CCDC81: variants seen among roughly 807,000 people sequenced by gnomAD.
The protein encoded by CCDC81 is coiled-coil domain containing 81.
Under a neutral mutation model 83.7 loss-of-function variants are expected in CCDC81, and 79 were observed. That is an observed-to-expected ratio of 0.94 (90% CI 0.79 to 1.14). The LOEUF (loss-of-function observed/expected upper bound fraction) is 1.14. Ranked by LOEUF, CCDC81 falls within the 50% of genes most tolerant of loss-of-function variation. The probability of loss-of-function intolerance (pLI) is 0.00; values close to 1 mark genes in which losing one functional copy is unlikely to be tolerated. For synonymous variants in CCDC81, 252 were observed against 278.1 expected, an observed-to-expected ratio of 0.91 and a Z score of 0.93; for missense variants, 791 against 778.1, an observed-to-expected ratio of 1.02 and a Z score of -0.20.
At chr11:86,386,001 C>A in intron 1 of CCDC81, 50 bp from the exon 2 acceptor site, 1 of 883,128 alleles carries the variant, frequency 1.1e-6, no homozygotes. Context: ...GATACTGTCA[C>A]ATGGGTGCGC....
chr11:86,388,214 T>TTCCC (rs761009156), intron 3 of CCDC81, among the ~76,000 whole-genome samples: 1,619 of 145,190 alleles, frequency 0.011, 12 homozygotes, highest in Middle Eastern at 0.024. Flanking sequence ...CCTTCCCTCC[T>TTCCC]TCCTTCCTTC....
chr11:86,395,195 C>T, intron 4 of CCDC81, 139 bp from the exon 5 acceptor site: 1 of 595,794 alleles, frequency 1.7e-6, no homozygotes. Context: ...GATTTTTAAG[C>T]TCTGGACTTA....
At position 86,397,663 on chromosome 11, in the gene CCDC81, C is replaced by T. The variant is rs1382755440; in HGVS notation, c.678C>T (p.Thr226=). ...KEMENKLPME[T]LVEECGENRE... ...TGGAAAACAAACTGCCTATGGAGAC[C>T]CTTGTAGAAGAATGTGGAGAGAATA... The change falls in exon 6 of 15, where the codon ACC becomes ACT. Residue 226 remains threonine, a synonymous_variant. Transcript: ENST00000445632. 1 of 1,613,536 alleles carries T rather than the reference C, an allele frequency of 6.2e-7. No individual in the cohort carries two copies. The highest frequency in any genetic ancestry group is 8.5e-7 in the Non-Finnish European group (1 of 1,179,786).
chr11:86,388,210 C>CCT (rs1948273588), intron 3 of CCDC81, among the ~76,000 whole-genome samples: 1 of 144,296 alleles, frequency 6.9e-6, no homozygotes. Flanking sequence ...CCCTCCTTCC[C>CCT]TCCTTCCTTC....
At chr11:86,392,335 T>C (rs1948342679) in intron 3 of CCDC81, among the ~76,000 whole-genome samples, 1 of 152,226 alleles carries the variant, frequency 6.6e-6, no homozygotes. Flanking sequence ...CCTTATACTT[T>C]TAGAGAAAAT....
Position 86,419,759 on chromosome 11 carries a change from G to A in CCDC81, c.1692-169G>A. 5.8e-6 allele frequency: 3 copies of A among 514,932 alleles called. No individual in the cohort carries two copies. The East Asian group carries it at 1.0e-4, about 18-fold the overall frequency. The allele number at this position is 514,932 out of a possible 1,614,324, so 31.9% of individuals were successfully genotyped here. On this transcript the variant is annotated intron_variant, in intron 13 of 14. Transcript: ENST00000445632. ...GACCTTTGATCCATAAATTATTTGA[G>A]AGCTAGGAATTTCAGTATGCTTTTA...
intron 1 of CCDC81, among the ~76,000 whole-genome samples, chr11:86,380,667 G>C (rs755711944): frequency 5.9e-5 from 9 of 151,536 alleles, no homozygotes; most frequent in Non-Finnish European, 1.2e-4. Context: ...AAGTTTCCTT[G>C]TCACATCTTC....
intron 4 of CCDC81, among the ~76,000 whole-genome samples, chr11:86,393,089 G>A (rs757258938): frequency 6.6e-6 from 1 of 152,178 alleles, no homozygotes; most frequent in Non-Finnish European, 1.5e-5. Flanking sequence ...TTGAGACAGA[G>A]TCTCACTCCG....
chr11:86,402,171 G>GT (rs1176323744), intron 7 of CCDC81, among the ~76,000 whole-genome samples: 2 of 141,646 alleles, frequency 1.4e-5, no homozygotes, highest in South Asian at 2.3e-4. Flanking sequence ...ACCAAAAAAT[G>GT]TTTTTTTGTG....
rs1329005188 is a variant in CCDC81 at position 86,400,706 on chromosome 11, TA to T, written c.787del (p.Arg263AspfsTer9). ...DISSPKRLRD[R>X]QALFPAKVTN... is the part of the protein sequence containing the mutation. ...TCTCATCACCCAAAAGACTTCGAGA[TA>T]GACAAGCTTTGTTCCCTGCCAAAGT... On this transcript the variant is annotated frameshift_variant, in exon 7 of 15. Transcript: ENST00000445632. LOFTEE classifies it high-confidence loss of function. 6.2e-7 allele frequency: 1 copy of T among 1,612,166 alleles called. No individual in the cohort carries two copies. The highest frequency in any genetic ancestry group is 8.5e-7 in the Non-Finnish European group (1 of 1,178,566).
intron 3 of CCDC81, among the ~76,000 whole-genome samples, chr11:86,388,210 C>CCTTCCT (rs1948273588): frequency 6.9e-6 from 1 of 144,296 alleles, no homozygotes; most frequent in African/African-American, 2.6e-5. Flanking sequence ...CCCTCCTTCC[C>CCTTCCT]TCCTTCCTTC....
chr11:86,408,026 G>T, intron 8 of CCDC81, 101 bp from the exon 9 acceptor site: 1 of 1,151,536 alleles, frequency 8.7e-7, no homozygotes, highest in Non-Finnish European at 1.2e-6. Context: ...ATTAATAATA[G>T]GTTTCTTGAT....
intron 10 of CCDC81, among the ~76,000 whole-genome samples, chr11:86,410,848 G>T (rs1477740652): frequency 6.6e-6 from 1 of 151,992 alleles, no homozygotes; most frequent in African/African-American, 2.4e-5. Context: ...CCTGACTTCC[G>T]ATCATTTGCA....
chr11:86,400,552 A>T, intron 6 of CCDC81, 126 bp from the exon 7 acceptor site: 1 of 975,152 alleles, frequency 1.0e-6, no homozygotes, highest in East Asian at 2.5e-5. Flanking sequence ...CCACAATAGA[A>T]CAAGGGGTGA....
intron 10 of CCDC81, among the ~76,000 whole-genome samples, chr11:86,410,059 A>G (rs1301706023): frequency 6.6e-6 from 1 of 152,210 alleles, no homozygotes; most frequent in Non-Finnish European, 1.5e-5. Context: ...CTGAATGGGC[A>G]TCTATGGTGG....
At chr11:86,380,938 G>A (rs1466846143) in intron 1 of CCDC81, among the ~76,000 whole-genome samples, 2 of 152,162 alleles carry the variant, frequency 1.3e-5, no homozygotes, top group African/African-American at 4.8e-5. Flanking sequence ...GGCTCTGATG[G>A]TTGCTCTGTC....
chr11:86,388,699 A>G (rs1948282652), intron 3 of CCDC81, among the ~76,000 whole-genome samples: 2 of 152,200 alleles, frequency 1.3e-5, no homozygotes, highest in African/African-American at 4.8e-5. Context: ...ATTTTTACCT[A>G]GAATTTTTTT....
chr11:86,407,109 C>T (rs1948575815), intron 7 of CCDC81, among the ~76,000 whole-genome samples: 1 of 152,204 alleles, frequency 6.6e-6, no homozygotes, highest in African/African-American at 2.4e-5. Flanking sequence ...ATTCTCTTTA[C>T]AGTTTAACAC....
At chr11:86,407,999 C>A in intron 8 of CCDC81, 128 bp from the exon 9 acceptor site, 1 of 867,814 alleles carries the variant, frequency 1.2e-6, no homozygotes, top group Non-Finnish European at 1.7e-6. Flanking sequence ...TCTCATTTTG[C>A]TGTCACTAAT....
Sources: gnomAD v4.1 joint callset for allele counts (sites outside exome capture counted in the v4.1 genomes callset) on GRCh38, gnomAD v4.1.1 for gene constraint, MANE v1.5 for transcripts, NCBI Gene and HGNC (gene_info 2026-07-23, HGNC 2026-07-21) for gene names.